Variants in SOX6 observed in about 807,000 individuals in gnomAD.
SOX6 encodes the protein SRY-box transcription factor 6, also known as transcription factor SOX-6.
Under a neutral mutation model 97.8 loss-of-function variants are expected in SOX6, and 11 were observed. The observed-to-expected ratio is 0.11, with a 90% confidence interval of 0.07 to 0.19. SOX6 has a LOEUF of 0.19. Ranked by LOEUF, SOX6 falls within the 10% of genes least tolerant of loss-of-function variation. The pLI is 1.00. For synonymous variants in SOX6, 360 were observed against 371.4 expected (o/e 0.97, Z 0.35); for missense variants, 810 against 1,039.5 (o/e 0.78, Z 3.04).
chr11:16,336,066 T>C (rs1457039745), intron 2 of SOX6, among the ~76,000 whole-genome samples: 1 of 152,202 alleles, frequency 6.6e-6, no homozygotes, highest in Non-Finnish European at 1.5e-5. Context: ...GATAGTCCAC[T>C]ATGGTTATTT....
At chr11:16,565,134 C>G (rs566274259) in intron 4 of SOX6, among the ~76,000 whole-genome samples, 1 of 151,984 alleles carries the variant, frequency 6.6e-6, no homozygotes, top group South Asian at 2.1e-4. Context: ...CATTACAGAC[C>G]GTGCAGACAT....
intron 1 of SOX6, among the ~76,000 whole-genome samples, chr11:16,470,063 G>C (rs1320780183): frequency 1.3e-5 from 2 of 152,108 alleles, no homozygotes; most frequent in Non-Finnish European, 2.9e-5. Flanking sequence ...TATAGTAGCT[G>C]TGTGTATTAA....
intron 4 of SOX6, among the ~76,000 whole-genome samples, chr11:16,513,523 C>T (rs921854669): frequency 2.0e-5 from 3 of 152,160 alleles, no homozygotes; most frequent in African/African-American, 7.2e-5. Context: ...ATCCCAGCTA[C>T]CTGGGAGGCT....
At chr11:16,000,902 G>A (rs2119895829) in intron 13 of SOX6, among the ~76,000 whole-genome samples, 1 of 152,076 alleles carries the variant, frequency 6.6e-6, no homozygotes, top group Non-Finnish European at 1.5e-5. Context: ...TGTCACCCAG[G>A]CTGGAGTGCA....
At chr11:16,132,272 AAG>A (rs1849765914) in intron 6 of SOX6, among the ~76,000 whole-genome samples, 1 of 9,980 alleles carries the variant, frequency 1.0e-4, no homozygotes, top group African/African-American at 2.3e-4. Flanking sequence ...AGAAAGAAGG[AAG>A]GAAGGAAGGA....
At chr11:16,499,457 T>C (rs1292941191) in intron 4 of SOX6, among the ~76,000 whole-genome samples, 1 of 152,036 alleles carries the variant, frequency 6.6e-6, no homozygotes, top group East Asian at 1.9e-4. Context: ...ATAACTAAGA[T>C]CAGAGCAGAA....
At chr11:16,397,726 G>A (rs938823903) in intron 1 of SOX6, among the ~76,000 whole-genome samples, 1 of 151,464 alleles carries the variant, frequency 6.6e-6, no homozygotes, top group African/African-American at 2.4e-5. Flanking sequence ...TTTAAATTAG[G>A]CCCAAAAGAA....
At chr11:16,105,314 T>A (rs1438293718) in intron 7 of SOX6, among the ~76,000 whole-genome samples, 9 of 151,978 alleles carry the variant, frequency 5.9e-5, no homozygotes, top group Admixed American at 5.3e-4. Flanking sequence ...AGAATAGGCA[T>A]CTGACAAAAG....
At chr11:16,015,792 A>G (rs926270850) in intron 12 of SOX6, among the ~76,000 whole-genome samples, 1 of 151,944 alleles carries the variant, frequency 6.6e-6, no homozygotes, top group African/African-American at 2.4e-5. Flanking sequence ...CATCATTAAT[A>G]TGGTGTTCTT....
chr11:15,984,757 G>C (rs755736299), intron 15 of SOX6, among the ~76,000 whole-genome samples: 1 of 152,050 alleles, frequency 6.6e-6, no homozygotes, highest in Admixed American at 6.6e-5. Context: ...CCTCTAAAAG[G>C]TTCTGCCATG....
At chr11:16,426,913 C>CAAA (rs34720074) in intron 1 of SOX6, among the ~76,000 whole-genome samples, 822 of 62,016 alleles carry the variant, frequency 0.013, 48 homozygotes, top group Non-Finnish European at 0.018. Flanking sequence ...GACTCCGTCT[C>CAAA]AAAAAAAAAA....
At chr11:16,359,573 T>C (rs146618698), upstream of SOX6, among the ~76,000 whole-genome samples, 9 of 152,284 alleles carry the variant, frequency 5.9e-5, no homozygotes, top group African/African-American at 2.2e-4. Flanking sequence ...TGTCCTTTTC[T>C]TATCTTGTCC....
chr11:16,444,701 A>T (rs1162102581), intron 1 of SOX6, among the ~76,000 whole-genome samples: 1 of 152,240 alleles, frequency 6.6e-6, no homozygotes, highest in Non-Finnish European at 1.5e-5. Flanking sequence ...TCATTCTGAC[A>T]TAGTGTGCAC....
intron 2 of SOX6, among the ~76,000 whole-genome samples, chr11:16,716,174 C>T (rs551557777): frequency 1.3e-5 from 2 of 152,220 alleles, no homozygotes; most frequent in African/African-American, 4.8e-5. Context: ...AAGCGGAGGT[C>T]GCAGTGAACT....
In SOX6 at chr11:16,542,002, G is replaced by T. The variant is rs1426654002; in HGVS notation, n.610-65614C>A. On this transcript the variant is annotated intron_variant and non_coding_transcript_variant, in intron 4 of 5. Coordinates refer to the SOX6 transcript ENST00000524520. Reference sequence around the variant, plus strand: ...GGATTATAAATCATGCTACTATTAAGACACATGCACATGTATGTTTATTGT... The same window carrying T: ...GGATTATAAATCATGCTACTATTAATACACATGCACATGTATGTTTATTGT... Among the ~76,000 whole-genome samples the T allele has an allele frequency of 2.0e-5, 3 of 152,138 alleles. No individual in the cohort carries two copies. The East Asian group carries it at 5.8e-4, about 29-fold the overall frequency.
chr11:16,674,848 G>A (rs564485741), intron 3 of SOX6, among the ~76,000 whole-genome samples: 1 of 152,318 alleles, frequency 6.6e-6, no homozygotes, highest in African/African-American at 2.4e-5. Flanking sequence ...CTACTCAGGA[G>A]GCTGAGGCAG....
At chr11:16,626,785 T>C (rs759589974) in intron 3 of SOX6, among the ~76,000 whole-genome samples, 1 of 152,212 alleles carries the variant, frequency 6.6e-6, no homozygotes, top group South Asian at 2.1e-4. Flanking sequence ...ATGTATTTTA[T>C]GTCTGGATGT....
chr11:16,177,987 C>T (rs897606141), intron 6 of SOX6, among the ~76,000 whole-genome samples: 2 of 151,804 alleles, frequency 1.3e-5, no homozygotes, highest in Admixed American at 6.6e-5. Context: ...TAGAGAAGGG[C>T]GGGTTGTGTA....
chr11:16,030,562 T>C (rs1048872469), intron 12 of SOX6, among the ~76,000 whole-genome samples: 1 of 152,148 alleles, frequency 6.6e-6, no homozygotes, highest in African/African-American at 2.4e-5. Flanking sequence ...TTTAAAATTA[T>C]ATAAACTTGA....
Sources: gnomAD v4.1 joint callset for allele counts (sites outside exome capture counted in the v4.1 genomes callset) on GRCh38, gnomAD v4.1.1 for gene constraint, MANE v1.5 for transcripts, NCBI Gene and HGNC (gene_info 2026-07-23, HGNC 2026-07-21) for gene names.